Variants in NLGN1 observed in about 807,000 individuals in gnomAD.
NLGN1 encodes the protein neuroligin-1.
Under a neutral mutation model 65.5 loss-of-function variants are expected in NLGN1, and 12 were observed. That is an observed-to-expected ratio of 0.18 (90% confidence interval 0.12 to 0.30). The LOEUF (loss-of-function observed/expected upper bound fraction) is 0.30. Among genes scored for constraint, NLGN1 ranks in the 10% least tolerant of loss-of-function variants. NLGN1 has a pLI of 1.00. For missense variants in NLGN1, 750 were observed against 1,007.1 expected (o/e 0.74, Z 3.46); for synonymous variants, 350 against 359.5 (o/e 0.97, Z 0.30).
At chr3:174,141,558 A>G (rs1176831034) in intron 4 of NLGN1, among the ~76,000 whole-genome samples, 5 of 152,200 alleles carry the variant, frequency 3.3e-5, no homozygotes, top group African/African-American at 9.7e-5. Context: ...AAAGATCCAT[A>G]TGTACCTGAA....
intron 4 of NLGN1, among the ~76,000 whole-genome samples, chr3:173,841,088 C>T (rs553779150): frequency 4.9e-4 from 75 of 152,068 alleles, no homozygotes; most frequent in African/African-American, 1.8e-3. Context: ...TAATCCTAAA[C>T]TTCTTAGAAA....
chr3:174,005,874 A>G (rs553549531), intron 4 of NLGN1, among the ~76,000 whole-genome samples: 1 of 152,212 alleles, frequency 6.6e-6, no homozygotes, highest in African/African-American at 2.4e-5. Flanking sequence ...TGGGGATTAT[A>G]TCTACCTCAT....
At chr3:173,528,695 G>A (rs1560388536) in intron 2 of NLGN1, among the ~76,000 whole-genome samples, 2 of 151,930 alleles carry the variant, frequency 1.3e-5, no homozygotes, top group African/African-American at 2.4e-5. Flanking sequence ...ACCAATCTTC[G>A]AGCTCTGAAA....
intron 4 of NLGN1, among the ~76,000 whole-genome samples, chr3:173,987,307 G>A (rs1457201001): frequency 6.6e-6 from 1 of 152,148 alleles, no homozygotes; most frequent in Non-Finnish European, 1.5e-5. Flanking sequence ...TAGTTCAGAT[G>A]TTATTTCAAA....
At chr3:174,258,096 C>G (rs533364130) in intron 4 of NLGN1, among the ~76,000 whole-genome samples, 1 of 152,036 alleles carries the variant, frequency 6.6e-6, no homozygotes, top group South Asian at 2.1e-4. Context: ...CCCCTAACTA[C>G]TAGTTAGAGG....
intron 3 of NLGN1, among the ~76,000 whole-genome samples, chr3:173,698,697 C>T (rs1233432823): frequency 6.6e-6 from 1 of 152,136 alleles, no homozygotes; most frequent in Admixed American, 6.5e-5. Context: ...CATACATACA[C>T]AAGAGAAGCT....
At chr3:173,672,168 C>A (rs1373905421) in intron 3 of NLGN1, among the ~76,000 whole-genome samples, 1 of 151,848 alleles carries the variant, frequency 6.6e-6, no homozygotes, top group Non-Finnish European at 1.5e-5. Flanking sequence ...AGCGAGACTC[C>A]GTCTCAAAAA....
At chr3:174,271,416 A>G (rs149332842) in intron 4 of NLGN1, among the ~76,000 whole-genome samples, 211 of 151,998 alleles carry the variant, frequency 1.4e-3, no homozygotes, top group African/African-American at 4.9e-3. Flanking sequence ...CTGACAATTT[A>G]AATTAGCTCC....
At chr3:174,143,373 G>A (rs1327513410) in intron 4 of NLGN1, among the ~76,000 whole-genome samples, 1 of 152,162 alleles carries the variant, frequency 6.6e-6, no homozygotes, top group Non-Finnish European at 1.5e-5. Flanking sequence ...AAAGTGAAGA[G>A]AATGACAGAA....
At chr3:173,920,933 T>G (rs2152262567) in intron 4 of NLGN1, 1 of 152,112 alleles carries the variant, frequency 6.6e-6, no homozygotes. Flanking sequence ...AGTTTCAAAT[T>G]TTGAATCATA....
chr3:173,587,607 A>G (rs998867372), intron 2 of NLGN1, among the ~76,000 whole-genome samples: 1 of 152,150 alleles, frequency 6.6e-6, no homozygotes, highest in African/African-American at 2.4e-5. Flanking sequence ...CTAATTATTA[A>G]AAAGAACATG....
Position 174,275,298 on chromosome 3 carries a change from A to AAATT in NLGN1, c.647-16_647-13dup. The AAATT allele has an allele frequency of 6.3e-7, 1 of 1,596,002 alleles. No homozygotes were observed. Among genetic ancestry groups the AAATT allele is most frequent in the Non-Finnish European group, 8.6e-7 (1 of 1,165,198 alleles). On this transcript the variant is annotated splice_polypyrimidine_tract_variant and intron_variant, in intron 4 of 6. Coordinates refer to ENST00000457714, the Ensembl canonical transcript of NLGN1. Reference sequence around the variant, plus strand: ...CACGTCAGCTCAAAACGTGTTTTCTAAATTTATATTTTTCAGGTTTCTTGA... The same window carrying AAATT: ...CACGTCAGCTCAAAACGTGTTTTCTAAATTAATTTATATTTTTCAGGTTTCTTGA...
At chr3:173,447,999 A>G (rs989923963) in intron 2 of NLGN1, among the ~76,000 whole-genome samples, 17 of 152,190 alleles carry the variant, frequency 1.1e-4, no homozygotes, top group African/African-American at 1.9e-4. Context: ...CAATCATGTC[A>G]TCTGCAAACA....
chr3:173,530,740 G>T (rs186346275), intron 2 of NLGN1, among the ~76,000 whole-genome samples: 1 of 152,176 alleles, frequency 6.6e-6, no homozygotes, highest in Admixed American at 6.5e-5. Context: ...CTGAGCAAAT[G>T]CCTGCTCTTT....
In NLGN1 at chr3:173,497,302, C is replaced by T. The variant is rs556796681; in HGVS notation, c.-321+62224C>T. Among the ~76,000 whole-genome samples, 14 of 151,466 alleles carry T rather than the reference C, an allele frequency of 9.2e-5. 1 individual carries two copies. The highest frequency in any genetic ancestry group is 2.9e-4 in the African/African-American group (12 of 41,130). On this transcript the variant is annotated intron_variant, in intron 2 of 6. Transcript: ENST00000457714. ...GAGAGGGAGGCTGAGGCAAGAGAAT[C>T]GCTTGAATTCGGGAGGTGGAGATTG...
chr3:173,511,278 G>A (rs572368442), intron 2 of NLGN1, among the ~76,000 whole-genome samples: 1 of 152,166 alleles, frequency 6.6e-6, no homozygotes, highest in African/African-American at 2.4e-5. Flanking sequence ...GCAAAACTGA[G>A]GAGAAAGTAA....
intron 1 of NLGN1, among the ~76,000 whole-genome samples, chr3:173,412,311 GACACACACACAC>G (rs71162345): frequency 1.4e-5 from 2 of 147,520 alleles, no homozygotes; most frequent in African/African-American, 5.0e-5. Flanking sequence ...CTCTCACTCT[GACACACACACAC>G]ACACACACAC....
intron 4 of NLGN1, among the ~76,000 whole-genome samples, chr3:174,136,933 A>G (rs528262397): frequency 9.2e-5 from 14 of 152,242 alleles, no homozygotes; most frequent in African/African-American, 3.1e-4. Context: ...CGTAAATGGA[A>G]AGTGCATTTA....
intron 2 of NLGN1, among the ~76,000 whole-genome samples, chr3:173,568,320 G>A (rs1175139878): frequency 6.8e-6 from 1 of 147,152 alleles, no homozygotes; most frequent in African/African-American, 2.5e-5. Context: ...TGCAACTTTC[G>A]CCTCCTGGGC....
Sources: allele counts gnomAD v4.1 joint callset (sites outside exome capture counted in the v4.1 genomes callset), GRCh38; gene constraint gnomAD v4.1.1; transcripts MANE v1.5; gene names NCBI Gene and HGNC (gene_info 2026-07-23, HGNC 2026-07-21).